The following SNTG1 variants were observed in gnomAD, a reference collection of about 807,000 sequenced individuals.
The protein encoded by SNTG1 is syntrophin gamma 1, also known as gamma-1-syntrophin.
In SNTG1, 39 loss-of-function variants were observed where a neutral mutation model predicts 74.7. That is an observed-to-expected ratio of 0.52 (90% CI 0.40 to 0.68). The LOEUF (loss-of-function observed/expected upper bound fraction) is 0.68, where lower values mean the gene tolerates loss of function less well. Among genes scored for constraint, SNTG1 ranks in the 30% least tolerant of loss-of-function variants. The pLI, the probability that SNTG1 is intolerant of heterozygous loss-of-function variation, is 0.00. For missense variants in SNTG1, 685 were observed against 609.5 expected, an observed-to-expected ratio of 1.12 and a Z score of -1.30; for synonymous variants, 254 against 217.1, an observed-to-expected ratio of 1.17 and a Z score of -1.49.
chr8:50,570,030 A>G (rs949227472), intron 12 of SNTG1, among the ~76,000 whole-genome samples: 6 of 152,080 alleles, frequency 3.9e-5, no homozygotes, highest in Non-Finnish European at 7.4e-5. Context: ...TATGTCAGGA[A>G]AGTAAAATAT....
At chr8:50,638,798 A>G (rs1382857156) in intron 13 of SNTG1, among the ~76,000 whole-genome samples, 1 of 152,070 alleles carries the variant, frequency 6.6e-6, no homozygotes, top group Non-Finnish European at 1.5e-5. Context: ...GATTTCTCCA[A>G]AAATCAAATC....
At chr8:50,572,876 T>C (rs1025831455) in intron 12 of SNTG1, among the ~76,000 whole-genome samples, 1 of 152,162 alleles carries the variant, frequency 6.6e-6, no homozygotes, top group Non-Finnish European at 1.5e-5. Flanking sequence ...GGAATGTTTC[T>C]AGCTTTTTGG....
intron 11 of SNTG1, among the ~76,000 whole-genome samples, chr8:50,541,748 T>C (rs1162189155): frequency 6.6e-6 from 1 of 152,040 alleles, no homozygotes. Context: ...AGCTATTTAA[T>C]ACTAGGTCCT....
At chr8:49,915,007 G>A (rs553457545) in intron 1 of SNTG1, 2 of 152,322 alleles carry the variant, frequency 1.3e-5, no homozygotes, top group East Asian at 1.9e-4. Context: ...TGTGTTGGAA[G>A]AGACAACATC....
chr8:50,624,746 C>T (rs1428796672), intron 13 of SNTG1, among the ~76,000 whole-genome samples: 2 of 152,134 alleles, frequency 1.3e-5, no homozygotes, highest in Non-Finnish European at 2.9e-5. Flanking sequence ...ACTTTCACAA[C>T]TAACTCCATT....
At position 50,417,208 on chromosome 8, in the gene SNTG1, C is replaced by T. The variant is rs575069213; in HGVS notation, c.162+14864C>T. 7.2e-5 allele frequency among the ~76,000 whole-genome samples: 11 copies of T among 152,234 alleles called. No homozygotes were observed. In the South Asian group the frequency reaches 2.3e-3, roughly 32 times the overall value. On this transcript the variant is annotated intron_variant, in intron 4 of 18. Transcript: ENST00000642720. Reference sequence around the variant, plus strand: ...AAATCAAAGCAATTGCTTATATACACAAGTTGGAACATCTCTGCGATAAGG... The same window carrying T: ...AAATCAAAGCAATTGCTTATATACATAAGTTGGAACATCTCTGCGATAAGG...
chr8:50,171,842 C>T (rs182105349), intron 1 of SNTG1, among the ~76,000 whole-genome samples: 3 of 152,246 alleles, frequency 2.0e-5, no homozygotes, highest in East Asian at 3.9e-4. Context: ...AGAAGCAATG[C>T]TTATGGAGCC....
At chr8:50,211,364 G>A (rs576480716) in intron 2 of SNTG1, among the ~76,000 whole-genome samples, 4 of 152,188 alleles carry the variant, frequency 2.6e-5, no homozygotes, top group Admixed American at 1.3e-4. Flanking sequence ...TGTTATCAGA[G>A]AAATATTACA....
At chr8:50,260,883 G>A (rs1379997547) in intron 2 of SNTG1, among the ~76,000 whole-genome samples, 2 of 152,090 alleles carry the variant, frequency 1.3e-5, no homozygotes, top group Non-Finnish European at 2.9e-5. Context: ...AAGTTTTTCT[G>A]TAGAAACTTC....
intron 2 of SNTG1, among the ~76,000 whole-genome samples, chr8:50,357,530 C>A (rs2091852958): frequency 6.6e-6 from 1 of 152,200 alleles, no homozygotes; most frequent in African/African-American, 2.4e-5. Context: ...ACTACTCTTC[C>A]TGTTACCAAG....
chr8:50,244,414 C>T (rs1586823290), intron 2 of SNTG1, among the ~76,000 whole-genome samples: 1 of 152,178 alleles, frequency 6.6e-6, no homozygotes, highest in East Asian at 1.9e-4. Flanking sequence ...TCAAGGGAGG[C>T]CTACAAAATC....
At chr8:50,094,817 G>GA (rs2079867885) in intron 1 of SNTG1, among the ~76,000 whole-genome samples, 1 of 152,140 alleles carries the variant, frequency 6.6e-6, no homozygotes, top group African/African-American at 2.4e-5. Flanking sequence ...TATATACGCA[G>GA]AGGAATATAA....
intron 18 of SNTG1, among the ~76,000 whole-genome samples, chr8:50,776,149 T>C (rs1038859288): frequency 6.6e-6 from 1 of 150,974 alleles, no homozygotes; most frequent in Non-Finnish European, 1.5e-5. Context: ...TTTTGTTCTC[T>C]CTCTTTTCCA....
intron 2 of SNTG1, among the ~76,000 whole-genome samples, chr8:50,311,067 A>G (rs2090092278): frequency 6.6e-6 from 1 of 152,242 alleles, no homozygotes; most frequent in South Asian, 2.1e-4. Context: ...TCACTGAGGC[A>G]TGATTCTTTC....
intron 8 of SNTG1, among the ~76,000 whole-genome samples, chr8:50,481,567 G>T (rs2093740983): frequency 6.6e-6 from 1 of 152,134 alleles, no homozygotes; most frequent in Non-Finnish European, 1.5e-5. Flanking sequence ...CACAGCAAGT[G>T]AAATTTAAAA....
At chr8:50,639,234 C>G (rs544531820) in intron 13 of SNTG1, among the ~76,000 whole-genome samples, 4 of 140,874 alleles carry the variant, frequency 2.8e-5, no homozygotes, top group Non-Finnish European at 6.2e-5. Context: ...AAAAAAAAAG[C>G]TATTTCTGTA....
Position 50,752,087 on chromosome 8 carries a change from A to C in SNTG1, c.1371A>C (p.Pro457=). ...KSKIKFLFQN[P]DTKQIEAKEL... Reference sequence around the variant, plus strand: ...AAATCAAATTTTTGTTTCAGAATCCAGATACTAAACAGATTGAAGCAAAGG... The same window carrying C: ...AAATCAAATTTTTGTTTCAGAATCCCGATACTAAACAGATTGAAGCAAAGG... Residue 457 remains proline, a synonymous_variant, in exon 18 of 19, where the codon CCA becomes CCC. Coordinates refer to ENST00000642720, the MANE Select transcript of SNTG1 (RefSeq NM_018967.5). 2 of 1,567,618 alleles carry C rather than the reference A, an allele frequency of 1.3e-6. No homozygotes were observed. Among genetic ancestry groups the C allele is most frequent in the Non-Finnish European group, 1.7e-6 (2 of 1,160,960 alleles).
chr8:50,708,467 G>C (rs2095451536), intron 16 of SNTG1: 3 of 159,894 alleles, frequency 1.9e-5, no homozygotes, highest in Non-Finnish European at 2.7e-5. Flanking sequence ...GATATCCTGA[G>C]AATTCAAGAC....
At chr8:49,967,871 A>C (rs973338012) in intron 1 of SNTG1, among the ~76,000 whole-genome samples, 1 of 152,310 alleles carries the variant, frequency 6.6e-6, no homozygotes. Context: ...TTTGTAGTTT[A>C]AGATCATGAT....
Sources: gnomAD v4.1 joint callset for allele counts (sites outside exome capture counted in the v4.1 genomes callset) on GRCh38, gnomAD v4.1.1 for gene constraint, MANE v1.5 for transcripts, NCBI Gene and HGNC (gene_info 2026-07-23, HGNC 2026-07-21) for gene names.